Variants in TAF2 observed in about 807,000 individuals in gnomAD.
TAF2 encodes TATA-box binding protein associated factor 2, also known as transcription initiation factor TFIID subunit 2.
In TAF2, 61 loss-of-function variants were observed where a neutral mutation model predicts 138.5. The observed-to-expected ratio is 0.44, with a 90% confidence interval of 0.36 to 0.54. The LOEUF is 0.54. Ranked by LOEUF, TAF2 falls within the 20% of genes least tolerant of loss-of-function variation. The probability of loss-of-function intolerance (pLI) is 0.00; values close to 1 mark genes in which losing one functional copy is unlikely to be tolerated. For synonymous variants in TAF2, 475 were observed against 469.9 expected, an observed-to-expected ratio of 1.01 and a Z score of -0.14; for missense variants, 1,090 against 1,427.9, an observed-to-expected ratio of 0.76 and a Z score of 3.81.
chr8:119,750,303 T>G (rs1820261661), intron 22 of TAF2, among the ~76,000 whole-genome samples: 1 of 152,144 alleles, frequency 6.6e-6, no homozygotes, highest in Non-Finnish European at 1.5e-5. Context: ...ATCGCACCAC[T>G]GCACCCCACC....
intron 3 of TAF2, among the ~76,000 whole-genome samples, chr8:119,817,094 C>T (rs1034918757): frequency 6.6e-6 from 1 of 151,978 alleles, no homozygotes; most frequent in African/African-American, 2.4e-5. Flanking sequence ...TACTAAGTGG[C>T]CATGGCCAAC....
chr8:119,800,058 G>A (rs1218540234), intron 6 of TAF2, among the ~76,000 whole-genome samples: 41 of 152,164 alleles, frequency 2.7e-4, no homozygotes, highest in Non-Finnish European at 3.5e-4. Flanking sequence ...TTTGTCAGAT[G>A]AGTAGATTGC....
Position 119,744,380 on chromosome 8 carries a change from T to C in TAF2, c.3122A>G (p.Gln1041Arg). The C allele has an allele frequency of 1.2e-6, 2 of 1,613,414 alleles. No homozygotes were observed. The highest frequency in any genetic ancestry group is 1.7e-6 in the Non-Finnish European group (2 of 1,179,826). The change falls in exon 24 of 26, where the codon CAA becomes CGA. Residue 1041 changes from glutamine (Q) to arginine (R), a missense_variant. By Grantham distance (43) the Gln-to-Arg change is conservative (BLOSUM62 1). Around this residue, in one of 3 missense-constraint regions of TAF2, gnomAD observed 580 missense variants for 719.6 expected, o/e 0.81. Transcript: ENST00000378164. Reference sequence around the variant, plus strand: ...ATCCATATCAATCTCCTCCTCATCTTGAGAACTGGAAAACTAAAACACACA... The same window carrying C: ...ATCCATATCAATCTCCTCCTCATCTCGAGAACTGGAAAACTAAAACACACA... ...VGFQNPFSSS[Q>R]DEEEIDMDTV...
rs192134224 is a variant in TAF2, at chr8:119,790,010, T to C, written c.1414-264A>G. On this transcript the variant is annotated intron_variant, in intron 11 of 25. Transcript: ENST00000378164. ...ATTAAGAATTATAGTAAGAATAATA[T>C]ATAATACCTATAATTTATTGTAGTT... Among the ~76,000 whole-genome samples the C allele has an allele frequency of 2.0e-5, 3 of 152,134 alleles. No homozygotes were observed. The East Asian group carries it at 5.8e-4, about 29-fold the overall frequency.
chr8:119,788,698 A>G, intron 13 of TAF2, 92 bp downstream of exon 13: 1 of 956,028 alleles, frequency 1.0e-6, no homozygotes, highest in Non-Finnish European at 1.7e-6. Flanking sequence ...ACAAAATCTC[A>G]TTAATTTCTA....
At chr8:119,768,083 C>T (rs767090058) in intron 18 of TAF2, among the ~76,000 whole-genome samples, 7 of 152,170 alleles carry the variant, frequency 4.6e-5, no homozygotes, top group Non-Finnish European at 8.8e-5. Flanking sequence ...TGAGGGAGTC[C>T]GCCTTCCTCA....
intron 6 of TAF2, among the ~76,000 whole-genome samples, chr8:119,799,040 G>A (rs1053304151): frequency 6.6e-6 from 1 of 151,968 alleles, no homozygotes; most frequent in African/African-American, 2.4e-5. Context: ...ACTAAGTCAG[G>A]AAAAACAATT....
At chr8:119,785,025 T>G (rs1161717406) in intron 15 of TAF2, among the ~76,000 whole-genome samples, 176 bp downstream of exon 15, 1 of 152,240 alleles carries the variant, frequency 6.6e-6, no homozygotes, top group Non-Finnish European at 1.5e-5. Flanking sequence ...TTACTTTTTA[T>G]CTCTGATTAG....
chr8:119,742,787 T>G, intron 24 of TAF2, 131 bp from the exon 25 acceptor site: 1 of 1,285,818 alleles, frequency 7.8e-7, no homozygotes, highest in Non-Finnish European at 1.1e-6. Context: ...ATTCTAACAA[T>G]TGAAAGAATA....
At chr8:119,765,853 C>A (rs1457219661) in intron 18 of TAF2, among the ~76,000 whole-genome samples, 1 of 152,152 alleles carries the variant, frequency 6.6e-6, no homozygotes, top group African/African-American at 2.4e-5. Context: ...GTAATCTCCA[C>A]AAAAACCCTA....
chr8:119,732,645 A>G (rs1411496199), intron 25 of TAF2, among the ~76,000 whole-genome samples: 2 of 152,020 alleles, frequency 1.3e-5, no homozygotes, highest in Non-Finnish European at 2.9e-5. Flanking sequence ...CTTTACCAAA[A>G]ATACAAAAAT....
chr8:119,790,750 G>T (rs1322969469), intron 11 of TAF2, among the ~76,000 whole-genome samples: 1 of 152,116 alleles, frequency 6.6e-6, no homozygotes, highest in South Asian at 2.1e-4. Context: ...ATACAATGCA[G>T]AACACAAATT....
At chr8:119,815,618 C>T (rs1825408514) in intron 3 of TAF2, among the ~76,000 whole-genome samples, 1 of 151,856 alleles carries the variant, frequency 6.6e-6, no homozygotes, top group African/African-American at 2.4e-5. Context: ...AGAGGCAAAG[C>T]CTATCTAGGA....
At position 119,832,795 on chromosome 8, in the gene TAF2, G is replaced by A. The variant is rs16893214; in HGVS notation, c.-231C>T. 0.23 allele frequency: 113,588 copies of A among 493,210 alleles called. 14,931 individuals are homozygous for A. The highest frequency in any genetic ancestry group is 0.39 in the African/African-American group (20,284 of 51,584). 30.6% of individuals were successfully genotyped at this position (493,210 alleles called of 1,614,324 possible). On this transcript the variant is annotated 5_prime_UTR_variant, in exon 1 of 26. Transcript: ENST00000378164. Reference sequence around the variant, plus strand: ...TTCTGTCACAGAGATGCTCCTCTCCGCAAGGGCTCGAAGCTACCATCCGCC... The same window carrying A: ...TTCTGTCACAGAGATGCTCCTCTCCACAAGGGCTCGAAGCTACCATCCGCC...
chr8:119,770,873 C>A (rs1289874504), intron 18 of TAF2, among the ~76,000 whole-genome samples: 2 of 152,216 alleles, frequency 1.3e-5, no homozygotes, highest in African/African-American at 2.4e-5. Context: ...GAGTTCGAGA[C>A]TAGCCTGGGC....
chr8:119,831,826 T>C, intron 1 of TAF2, 95 bp from the exon 2 acceptor site: 7 of 809,124 alleles, frequency 8.7e-6, no homozygotes, highest in Non-Finnish European at 1.1e-5. Flanking sequence ...AGGACTATGT[T>C]CTAAGTAATT....
At position 119,819,447 on chromosome 8, in the gene TAF2, G is replaced by C. The variant is rs781693847; in HGVS notation, c.198C>G (p.Asn66Lys). 1 of 1,611,550 alleles carries C rather than the reference G, an allele frequency of 6.2e-7. No individual in the cohort carries two copies. The highest frequency in any genetic ancestry group is 8.5e-7 in the Non-Finnish European group (1 of 1,179,338). Residue 66 changes from asparagine to lysine, a missense_variant, in exon 3 of 26, where the codon AAC (asparagine) becomes AAG (lysine). Coordinates refer to ENST00000378164, the MANE Select transcript of TAF2 (RefSeq NM_003184.4). ...TVANLNRIKLNSKQCRIYRVR... is the reference protein window; with the variant it reads ...TVANLNRIKLKSKQCRIYRVR... ...CTCGGTATATTCTACACTGTTTGCT[G>C]TTCAACTTGATTCTATTCAAGTTTG...
chr8:119,750,670 G>A (rs552169400), intron 22 of TAF2, among the ~76,000 whole-genome samples: 3 of 152,044 alleles, frequency 2.0e-5, no homozygotes, highest in Non-Finnish European at 4.4e-5. Context: ...AAGAAAGAAG[G>A]TATTAGGGAG....
At chr8:119,772,720 T>C (rs1264612636) in intron 18 of TAF2, among the ~76,000 whole-genome samples, 1 of 152,036 alleles carries the variant, frequency 6.6e-6, no homozygotes. Flanking sequence ...GCAGATCACC[T>C]GAGGTCAGGA....
Sources: allele counts gnomAD v4.1 joint callset (sites outside exome capture counted in the v4.1 genomes callset), GRCh38; gene constraint gnomAD v4.1.1; regional missense constraint gnomAD v4.1.1; transcripts MANE v1.5; gene names NCBI Gene and HGNC (gene_info 2026-07-23, HGNC 2026-07-21).